The following AFG2A variants were observed in gnomAD, a reference collection of about 807,000 sequenced individuals.
The protein encoded by AFG2A is AAA ATPase AFG2A, also known as ATPase family gene 2 protein homolog A.
At chr4:123,152,496 A>C in the AFG2A span, among the ~76,000 whole-genome samples, 5 of 152,260 alleles carry the variant, frequency 3.3e-5, no homozygotes, top group Admixed American at 1.3e-4. Context: ...CCACATATCA[A>C]ATAAGCATAT....
the AFG2A span, among the ~76,000 whole-genome samples, chr4:123,311,452 C>G: frequency 1.3e-5 from 2 of 151,634 alleles, no homozygotes; most frequent in Non-Finnish European, 2.9e-5. Flanking sequence ...ATGGTGAAAC[C>G]CCATCTCTAC....
chr4:123,299,508 A>G, the AFG2A span, among the ~76,000 whole-genome samples: 2 of 152,182 alleles, frequency 1.3e-5, no homozygotes, highest in African/African-American at 2.4e-5. Context: ...ATGTGTATGT[A>G]TTATCATTCA....
the AFG2A span, chr4:123,090,703 A>C: frequency 1.2e-6 from 2 of 1,612,716 alleles, no homozygotes; most frequent in Non-Finnish European, 1.7e-6. Context: ...TAGGATAGAC[A>C]AGGTAAGAGA....
chr4:123,258,896 C>T, the AFG2A span, among the ~76,000 whole-genome samples: 6 of 114,782 alleles, frequency 5.2e-5, no homozygotes, highest in African/African-American at 6.7e-5. Flanking sequence ...GACAGAGTTT[C>T]GCCCTTGTAT....
At chr4:123,181,098 C>T in the AFG2A span, among the ~76,000 whole-genome samples, 1 of 151,700 alleles carries the variant, frequency 6.6e-6, no homozygotes, top group African/African-American at 2.4e-5. Context: ...CATTCTTCTG[C>T]CTCAGCCTCC....
At chr4:123,166,091 AT>A in the AFG2A span, among the ~76,000 whole-genome samples, 2 of 152,174 alleles carry the variant, frequency 1.3e-5, no homozygotes, top group East Asian at 3.8e-4. Context: ...AGTATCTGTG[AT>A]GGTTAATACT....
chr4:123,161,335 G>T, the AFG2A span, among the ~76,000 whole-genome samples: 1 of 152,310 alleles, frequency 6.6e-6, no homozygotes, highest in Admixed American at 6.5e-5. Context: ...TGACAAGGAA[G>T]CATGAAATAA....
chr4:122,929,128 G>A, the AFG2A span: 2 of 1,613,620 alleles, frequency 1.2e-6, no homozygotes, highest in South Asian at 2.2e-5. Flanking sequence ...GTGAGGCCTG[G>A]TGATGCCATC....
chr4:123,193,401 A>C, the AFG2A span, among the ~76,000 whole-genome samples: 1 of 152,348 alleles, frequency 6.6e-6, no homozygotes, highest in African/African-American at 2.4e-5. Context: ...TCCAAATGAA[A>C]CGTTGACCTT....
At chr4:123,181,037 T>G in the AFG2A span, among the ~76,000 whole-genome samples, 45 of 147,034 alleles carry the variant, frequency 3.1e-4, no homozygotes, top group Non-Finnish European at 5.7e-4. Flanking sequence ...CAGGCTGGAG[T>G]GCAGTGGCGC....
At chr4:123,176,501 T>C in the AFG2A span, among the ~76,000 whole-genome samples, 1,862 of 152,292 alleles carry the variant, frequency 0.012, 36 homozygotes, top group African/African-American at 0.042. Context: ...ATTATTTATA[T>C]AAATTACAGA....
At chr4:123,014,495 C>T in the AFG2A span, among the ~76,000 whole-genome samples, 2 of 151,816 alleles carry the variant, frequency 1.3e-5, no homozygotes, top group Non-Finnish European at 2.9e-5. Flanking sequence ...TTAAGACATA[C>T]ATTTTTGTAA....
chr4:123,007,509 C>A, the AFG2A span, among the ~76,000 whole-genome samples: 1 of 146,380 alleles, frequency 6.8e-6, no homozygotes, highest in Admixed American at 6.8e-5. Context: ...TTCTTTCTTG[C>A]CTATTAAATT....
the AFG2A span, among the ~76,000 whole-genome samples, chr4:123,084,732 G>C: frequency 6.6e-6 from 1 of 151,830 alleles, no homozygotes; most frequent in African/African-American, 2.4e-5. Context: ...TGGCTCGAGT[G>C]ATCCTCCTGT....
chr4:122,979,575 A>G, the AFG2A span, among the ~76,000 whole-genome samples: 1 of 152,214 alleles, frequency 6.6e-6, no homozygotes, highest in South Asian at 2.1e-4. Context: ...TGTGTATCCT[A>G]TACCCAGTTT....
chr4:122,942,017 C>T, the AFG2A span, among the ~76,000 whole-genome samples: 1 of 152,030 alleles, frequency 6.6e-6, no homozygotes, highest in East Asian at 1.9e-4. Context: ...TTTTGATGTG[C>T]TGCTGGATTC....
At chr4:122,944,075 C>T in the AFG2A span, among the ~76,000 whole-genome samples, 1 of 152,112 alleles carries the variant, frequency 6.6e-6, no homozygotes, top group African/African-American at 2.4e-5. Context: ...AACATTTTTT[C>T]CTTCATTTTA....
the AFG2A span, among the ~76,000 whole-genome samples, chr4:123,006,938 C>CTTTTTTTTTTT: frequency 6.8e-6 from 1 of 146,704 alleles, no homozygotes; most frequent in Non-Finnish European, 1.5e-5. Context: ...CTTTTACTCT[C>CTTTTTTTTTTT]TTTTTTTTTC....
At chr4:123,285,078 C>T in the AFG2A span, among the ~76,000 whole-genome samples, 3 of 152,104 alleles carry the variant, frequency 2.0e-5, no homozygotes, top group Non-Finnish European at 4.4e-5. Flanking sequence ...TACTTCCTCA[C>T]TCATAATTCG....
Sources: allele counts gnomAD v4.1 joint callset (sites outside exome capture counted in the v4.1 genomes callset), GRCh38; gene constraint gnomAD v4.1.1; transcripts MANE v1.5; gene names NCBI Gene and HGNC (gene_info 2026-07-23, HGNC 2026-07-21).